Variants in TMEM185A observed in about 807,000 individuals in gnomAD.
TMEM185A encodes family with sequence similarity 11, member A.
A neutral mutation model predicts 25.0 loss-of-function variants in TMEM185A; 9 were observed. The observed-to-expected ratio is 0.36, with a 90% CI of 0.22 to 0.63. The LOEUF is 0.63. Among genes scored for constraint, TMEM185A ranks in the 20% least tolerant of loss-of-function variants. TMEM185A has a pLI of 0.68. For missense variants in TMEM185A, 103 were observed against 237.4 expected (o/e 0.43, Z 3.72); for synonymous variants, 45 against 93.5 (o/e 0.48, Z 2.99).
chrX:149,608,040 C>T (rs1344629608), intron 3 of TMEM185A, among the ~76,000 whole-genome samples: 1 of 111,856 alleles, frequency 8.9e-6, no homozygotes, highest in Non-Finnish European at 1.9e-5. Context: ...TCAGACTTGC[C>T]AGCCCCACAG....
At chrX:149,615,033 C>G (rs189480892) in intron 1 of TMEM185A, among the ~76,000 whole-genome samples, 2 of 112,040 alleles carry the variant, frequency 1.8e-5, no homozygotes, top group African/African-American at 6.5e-5. Flanking sequence ...AGAAAGAAAA[C>G]TACAGACCAA....
intron 1 of TMEM185A, among the ~76,000 whole-genome samples, chrX:149,618,187 C>G (rs2090120350): frequency 9.0e-6 from 1 of 111,699 alleles, no homozygotes; most frequent in African/African-American, 3.3e-5. Context: ...GCTAACAGGT[C>G]TCCACTCGGG....
At chrX:149,607,795 A>G (rs946237661) in intron 3 of TMEM185A, among the ~76,000 whole-genome samples, 26 of 111,903 alleles carry the variant, frequency 2.3e-4, no homozygotes, top group African/African-American at 4.9e-4. Flanking sequence ...TTGAGTGTCA[A>G]CTTGGCTGGG....
At chrX:149,616,106 C>T (rs1176203914) in intron 1 of TMEM185A, among the ~76,000 whole-genome samples, 1 of 112,116 alleles carries the variant, frequency 8.9e-6, no homozygotes, top group Non-Finnish European at 1.9e-5. Context: ...AAATGCCCCA[C>T]CTCCAAATAC....
chrX:149,631,524 G>A lies in TMEM185A; in HGVS notation c.38+19C>T. On this transcript the variant is annotated intron_variant, in intron 1 of 6. Coordinates refer to ENST00000600449, the MANE Select transcript of TMEM185A (RefSeq NM_032508.4). ...GCCCGCAGCGCGGACTCCCGGGGGC[G>A]CCAACGACGCCGCCTCACCTCGGGT... 8.6e-7 allele frequency: 1 copy of A among 1,159,564 alleles called. No individual in the cohort carries two copies. The highest frequency in any genetic ancestry group is 1.2e-6 in the Non-Finnish European group (1 of 869,117).
chrX:149,617,010 A>AGG (rs1405296997), intron 1 of TMEM185A, among the ~76,000 whole-genome samples: 7 of 112,507 alleles, frequency 6.2e-5, no homozygotes, highest in Non-Finnish European at 3.8e-5. Context: ...AAAGGTGCCA[A>AGG]AACAACTCAA....
chrX:149,613,001 C>A (rs187468895), intron 1 of TMEM185A, among the ~76,000 whole-genome samples: 7 of 111,822 alleles, frequency 6.3e-5, no homozygotes, highest in Admixed American at 9.5e-5. Context: ...AGAGAAAGTT[C>A]TCCGCTTTTA....
intron 2 of TMEM185A, among the ~76,000 whole-genome samples, chrX:149,610,910 C>T (rs1255147403): frequency 8.9e-6 from 1 of 112,010 alleles, no homozygotes; most frequent in Non-Finnish European, 1.9e-5. Context: ...ACAAGGGGAG[C>T]CCCAGTTCCA....
chrX:149,627,090 G>A (rs1007018874), intron 1 of TMEM185A, among the ~76,000 whole-genome samples: 5 of 111,503 alleles, frequency 4.5e-5, no homozygotes, highest in Non-Finnish European at 9.4e-5. Context: ...GACACTTTAC[G>A]GGTGTCGGGC....
At chrX:149,615,915 T>C (rs910135844) in intron 1 of TMEM185A, among the ~76,000 whole-genome samples, 1 of 112,262 alleles carries the variant, frequency 8.9e-6, no homozygotes, top group Non-Finnish European at 1.9e-5. Flanking sequence ...AGGCTGGAAG[T>C]TGGAGATCAG....
In TMEM185A at chrX:149,598,849, C is replaced by A. The variant is rs2090004868; in HGVS notation, c.809-594G>T. Among the ~76,000 whole-genome samples the A allele has an allele frequency of 2.7e-5, 2 of 75,062 alleles. 1 individual carries two copies. The highest frequency in any genetic ancestry group is 1.1e-3 in the South Asian group (2 of 1,790). The allele number at this position is 75,062 out of a possible 115,157, so 65.2% of individuals were successfully genotyped here. ...CAGTCCCACTACTCCTCTCTGTAGG[C>A]TACTGGAGTGTCAGCTCGGTGCAAG... On this transcript the variant is annotated intron_variant, in intron 6 of 6. Transcript: ENST00000600449.
intron 3 of TMEM185A, 154 bp downstream of exon 3, chrX:149,608,473 G>A: frequency 2.1e-6 from 1 of 478,282 alleles, no homozygotes; most frequent in East Asian, 4.0e-5. Context: ...TGGGATTACT[G>A]GCGCATGCCA....
intron 1 of TMEM185A, 121 bp downstream of exon 1, chrX:149,631,422 G>T: frequency 1.1e-6 from 1 of 873,381 alleles, no homozygotes; most frequent in South Asian, 3.3e-5. Flanking sequence ...GGGAGGCTCG[G>T]GCAGGCGCCC....
At chrX:149,624,804 C>T (rs1557355867) in intron 1 of TMEM185A, among the ~76,000 whole-genome samples, 1 of 111,986 alleles carries the variant, frequency 8.9e-6, no homozygotes, top group Non-Finnish European at 1.9e-5. Flanking sequence ...AAAAGCAGAG[C>T]CCAGGCCAGT....
chrX:149,631,370 G>A, intron 1 of TMEM185A, 173 bp downstream of exon 1: 1 of 240,420 alleles, frequency 4.2e-6, no homozygotes. Flanking sequence ...GCGGGCGGGC[G>A]CCGAGGCCGA....
rs2090043943 is a variant in TMEM185A at position 149,605,401 on chromosome X, A to ATGTCACTTTCTATG, written c.424-1332_424-1331insCATAGAAAGTGACA. ...TATAGCCTCCCATGTCACTTTCTAT[A>ATGTCACTTTCTATG]GCCTCCCATGTCACTTTCTATGGCC... On this transcript the variant is annotated intron_variant, in intron 3 of 6. Transcript: ENST00000600449. Among the ~76,000 whole-genome samples, 3 of 74,084 alleles carry ATGTCACTTTCTATG rather than the reference A, an allele frequency of 4.0e-5. 1 individual carries two copies. The highest frequency in any genetic ancestry group is 1.4e-3 in the South Asian group (2 of 1,445). The allele number at this position is 74,084 out of a possible 115,157, so 64.3% of individuals were successfully genotyped here. A position where few individuals can be genotyped will look rare whatever the true frequency, so the allele number is the denominator to read the frequency against.
chrX:149,605,016 C>A (rs1470672805), intron 3 of TMEM185A: 1 of 111,964 alleles, frequency 8.9e-6, no homozygotes, highest in African/African-American at 3.3e-5. Context: ...GGAAGACAGA[C>A]ACACAAACAC....
chrX:149,614,445 C>T, intron 1 of TMEM185A, among the ~76,000 whole-genome samples: 1 of 111,311 alleles, frequency 9.0e-6, no homozygotes, highest in Non-Finnish European at 1.9e-5. Flanking sequence ...GCATCAAATA[C>T]TTACATTAGA....
chrX:149,631,517 C>CG lies in TMEM185A; in HGVS notation c.38+25dup, dbSNP rs782773908. 27 of 1,155,403 alleles carry CG rather than the reference C, an allele frequency of 2.3e-5. 1 individual carries two copies. The Middle Eastern group carries it at 7.2e-4, about 31-fold the overall frequency. On this transcript the variant is annotated intron_variant, in intron 1 of 6. Coordinates refer to ENST00000600449, the MANE Select transcript of TMEM185A (RefSeq NM_032508.4). ...CGCCCGAGCCCGCAGCGCGGACTCCCGGGGGCGCCAACGACGCCGCCTCAC... is the reference window on the plus strand; with the variant it reads ...CGCCCGAGCCCGCAGCGCGGACTCCCGGGGGGCGCCAACGACGCCGCCTCAC...
Sources: gnomAD v4.1 joint callset for allele counts (sites outside exome capture counted in the v4.1 genomes callset) on GRCh38, gnomAD v4.1.1 for gene constraint, MANE v1.5 for transcripts, NCBI Gene and HGNC (gene_info 2026-07-23, HGNC 2026-07-21) for gene names.